Variants in TYW1B observed in about 807,000 individuals in gnomAD.
The protein encoded by TYW1B is tRNA-yW synthesizing protein 1 homolog B, also known as S-adenosyl-L-methionine-dependent tRNA 4-demethylwyosine synthase TYW1B.
A neutral mutation model predicts 86.9 loss-of-function variants in TYW1B; 73 were observed. That is an observed-to-expected ratio of 0.84 (90% CI 0.70 to 1.02). The LOEUF is 1.02. Ranked by LOEUF, TYW1B falls within the 50% of genes least tolerant of loss-of-function variation. The pLI, the probability that TYW1B is intolerant of heterozygous loss-of-function variation, is 0.00. For synonymous variants in TYW1B, 248 were observed against 292.8 expected (o/e 0.85, Z 1.56); for missense variants, 637 against 827.4 (o/e 0.77, Z 2.82).
intron 2 of TYW1B, among the ~76,000 whole-genome samples, chr7:72,820,931 C>T (rs1467773044): frequency 6.6e-6 from 1 of 152,162 alleles, no homozygotes; most frequent in Non-Finnish European, 1.5e-5. Flanking sequence ...ATATCCCTGA[C>T]AGTAAGAGCT....
At chr7:72,644,948 C>T (rs1285373080) in intron 11 of TYW1B, among the ~76,000 whole-genome samples, 9 of 151,942 alleles carry the variant, frequency 5.9e-5, no homozygotes, top group Admixed American at 2.0e-4. Context: ...CTGCCTCAGC[C>T]TCCCAAGTAG....
Position 72,664,886 on chromosome 7 carries a change from T to C in TYW1B, c.1506+29801A>G, listed in dbSNP as rs569127378. Among the ~76,000 whole-genome samples, 22 of 152,326 alleles carry C rather than the reference T, an allele frequency of 1.4e-4. No homozygotes were observed. The South Asian group carries it at 4.6e-3, about 32-fold the overall frequency. On this transcript the variant is annotated intron_variant, in intron 11 of 13. Transcript: ENST00000620995. ...CAGTTTCTTATATAAAATGATGTCATATTTGCATTTAATCTATGCACATTC... is the reference window on the plus strand; with the variant it reads ...CAGTTTCTTATATAAAATGATGTCACATTTGCATTTAATCTATGCACATTC...
Position 72,582,668 on chromosome 7 carries a change from G to A in TYW1B, c.1786-6949C>T, listed in dbSNP as rs1297275384. Among the ~76,000 whole-genome samples, 4 of 152,154 alleles carry A rather than the reference G, an allele frequency of 2.6e-5. No individual in the cohort carries two copies. In the East Asian group the frequency reaches 7.7e-4, roughly 29 times the overall value. On this transcript the variant is annotated intron_variant, in intron 13 of 13. Coordinates refer to ENST00000620995, the MANE Select transcript of TYW1B (RefSeq NM_001145440.3). ...ATCTCAGGATAACAGCTGTGAACTAGGTGGTAGAGAGTGAACTGTCCAAGG... is the reference window on the plus strand; with the variant it reads ...ATCTCAGGATAACAGCTGTGAACTAAGTGGTAGAGAGTGAACTGTCCAAGG...
At position 72,629,708 on chromosome 7, in the gene TYW1B, G is replaced by A. The variant is rs1214903360; in HGVS notation, c.1507-711C>T. 3.3e-5 allele frequency among the ~76,000 whole-genome samples: 5 copies of A among 151,840 alleles called. No homozygotes were observed. In the East Asian group the frequency reaches 5.8e-4, roughly 18 times the overall value. On this transcript the variant is annotated intron_variant, in intron 11 of 13. Transcript: ENST00000620995. ...ACTACAGGCACATATCATCATGCCC[G>A]GCTAAGTTTAAAAATTTTTTTAGAG...
At position 72,575,450 on chromosome 7, in the gene TYW1B, T is replaced by C; in HGVS notation, c.*48A>G. ...ATCAGAGTGGTGTTCAAGAACCTTT[T>C]GAGGCCATCCAAGTTTTTGTCCTTC... On this transcript the variant is annotated 3_prime_UTR_variant, in exon 14 of 14. Coordinates refer to ENST00000620995, the MANE Select transcript of TYW1B (RefSeq NM_001145440.3). The C allele has an allele frequency of 6.3e-7, 1 of 1,583,488 alleles. No individual in the cohort carries two copies. The highest frequency in any genetic ancestry group is 2.3e-5 in the East Asian group (1 of 44,276).
At position 72,580,808 on chromosome 7, in the gene TYW1B, G is replaced by T. The variant is rs1343446201; in HGVS notation, c.1786-5089C>A. On this transcript the variant is annotated intron_variant, in intron 13 of 13. Coordinates refer to ENST00000620995, the MANE Select transcript of TYW1B (RefSeq NM_001145440.3). ...AATGACAGTAAGAACATTTAAAAAA[G>T]ATATATAACATAAAAATAAAGCTAC... is the stretch of plus-strand genomic sequence containing the variant. Among the ~76,000 whole-genome samples the T allele has an allele frequency of 7.9e-5, 12 of 151,020 alleles. No individual in the cohort carries two copies. The South Asian group carries it at 2.5e-3, about 32-fold the overall frequency.
Position 72,713,542 on chromosome 7 carries a change from T to C in TYW1B, c.1370+79A>G, listed in dbSNP as rs1386554394. 9 of 1,353,812 alleles carry C rather than the reference T, an allele frequency of 6.6e-6. No individual in the cohort carries two copies. The Admixed American group carries it at 1.1e-4, about 16-fold the overall frequency. 83.9% of individuals were successfully genotyped at this position (1,353,812 alleles called of 1,614,324 possible). A position where few individuals can be genotyped will look rare whatever the true frequency, so the allele number is the denominator to read the frequency against. ...TAAGTAATCAATAAATCCTATTTGATTGCATTAATGCCTATTAGTTTTACT... is the reference window on the plus strand; with the variant it reads ...TAAGTAATCAATAAATCCTATTTGACTGCATTAATGCCTATTAGTTTTACT... On this transcript the variant is annotated intron_variant, in intron 10 of 13. Transcript: ENST00000620995.
chr7:72,642,537 G>A (rs1812825680), intron 11 of TYW1B, among the ~76,000 whole-genome samples: 1 of 152,162 alleles, frequency 6.6e-6, no homozygotes, highest in South Asian at 2.1e-4. Context: ...CAATGCCAAC[G>A]TCCATCAGCT....
At chr7:72,775,498 C>T (rs1227518448) in intron 7 of TYW1B, among the ~76,000 whole-genome samples, 3 of 152,042 alleles carry the variant, frequency 2.0e-5, no homozygotes, top group East Asian at 1.9e-4. Context: ...GCAATGTGAG[C>T]AAGAGGACAG....
At chr7:72,815,084 AAAAAAAG>A (rs1292184718) in intron 3 of TYW1B, among the ~76,000 whole-genome samples, 1 of 142,238 alleles carries the variant, frequency 7.0e-6, no homozygotes, top group Non-Finnish European at 1.6e-5. Context: ...AAAAAAAAAA[AAAAAAAG>A]AAAATTGTGG....
chr7:72,777,058 AG>A (rs1787968085), intron 7 of TYW1B, among the ~76,000 whole-genome samples: 2 of 152,126 alleles, frequency 1.3e-5, no homozygotes, highest in Admixed American at 6.6e-5. Flanking sequence ...CTCCTTAATA[AG>A]GTAAGACCAC....
intron 5 of TYW1B, among the ~76,000 whole-genome samples, chr7:72,805,100 C>A (rs1264301506): frequency 5.3e-5 from 8 of 152,006 alleles, no homozygotes; most frequent in African/African-American, 1.9e-4. Context: ...AAAATTAATT[C>A]GACACATTCC....
At chr7:72,766,010 C>A (rs1327337033) in intron 7 of TYW1B, among the ~76,000 whole-genome samples, 2 of 152,180 alleles carry the variant, frequency 1.3e-5, no homozygotes, top group Admixed American at 6.6e-5. Context: ...TGAAATTTTA[C>A]AATCAACAGC....
intron 7 of TYW1B, among the ~76,000 whole-genome samples, chr7:72,745,841 C>T (rs1346283923): frequency 8.6e-6 from 1 of 116,644 alleles, no homozygotes; most frequent in African/African-American, 3.2e-5. Flanking sequence ...AGCCTTTACA[C>T]GTGTATAGGG....
At position 72,631,513 on chromosome 7, in the gene TYW1B, C is replaced by CAAAT. The variant is rs782244804; in HGVS notation, c.1507-2520_1507-2517dup. ...TGGGCAACAGAGTGAGACTCTGTCT[C>CAAAT]AAATAAATAAATAAATAAATAAATG... On this transcript the variant is annotated intron_variant, in intron 11 of 13. Transcript: ENST00000620995. Among the ~76,000 whole-genome samples, 897 of 151,874 alleles carry CAAAT rather than the reference C, an allele frequency of 5.9e-3. 8 individuals carry two copies. Among genetic ancestry groups the CAAAT allele is most frequent in the African/African-American group, 0.015 (629 of 41,398 alleles).
intron 7 of TYW1B, among the ~76,000 whole-genome samples, chr7:72,769,742 A>G (rs1463960746): frequency 6.6e-6 from 1 of 152,236 alleles, no homozygotes; most frequent in East Asian, 1.9e-4. Context: ...ATGTGAACAG[A>G]CATTTCACAA....
At chr7:72,684,574 G>C (rs1329990713) in intron 11 of TYW1B, among the ~76,000 whole-genome samples, 1 of 152,038 alleles carries the variant, frequency 6.6e-6, no homozygotes, top group Non-Finnish European at 1.5e-5. Flanking sequence ...GTTAAAAGAA[G>C]CTCTTCAGAG....
intron 8 of TYW1B, among the ~76,000 whole-genome samples, chr7:72,741,186 T>C (rs1157751749): frequency 3.3e-5 from 5 of 152,152 alleles, no homozygotes; most frequent in Non-Finnish European, 5.9e-5. Flanking sequence ...ATCTTAAACA[T>C]GCTCAAAGAG....
chr7:72,606,188 A>C, intron 13 of TYW1B, among the ~76,000 whole-genome samples: 1 of 150,064 alleles, frequency 6.7e-6, no homozygotes. Flanking sequence ...GCTGCAGACA[A>C]CTATTGGATA....
Sources: gnomAD v4.1 joint callset for allele counts (sites outside exome capture counted in the v4.1 genomes callset) on GRCh38, gnomAD v4.1.1 for gene constraint, MANE v1.5 for transcripts, NCBI Gene and HGNC (gene_info 2026-07-23, HGNC 2026-07-21) for gene names.